The following CDK2AP1 variants were observed in gnomAD, a reference collection of about 807,000 sequenced individuals.
CDK2AP1 encodes cyclin dependent kinase 2 associated protein 1.
Under a neutral mutation model 14.1 loss-of-function variants are expected in CDK2AP1, and 10 were observed. That is an observed-to-expected ratio of 0.71 (90% CI 0.44 to 1.20). The LOEUF (loss-of-function observed/expected upper bound fraction) is 1.20. CDK2AP1 is among the 50% of genes most tolerant of loss of function. CDK2AP1 has a pLI of 0.00. For missense variants in CDK2AP1, 102 were observed against 149.9 expected, an observed-to-expected ratio of 0.68 and a Z score of 1.67; for synonymous variants, 59 against 59.8, an observed-to-expected ratio of 0.99 and a Z score of 0.06.
At chr12:123,271,071 C>T (rs2048349636) in intron 1 of CDK2AP1, 10 of 931,744 alleles carry the variant, frequency 1.1e-5, no homozygotes, top group Non-Finnish European at 1.3e-5. Flanking sequence ...CGCAGCCCTC[C>T]ATCCGCGCCC....
At chr12:123,262,724 C>T (rs1033264356) in intron 3 of CDK2AP1, among the ~76,000 whole-genome samples, 2 of 152,286 alleles carry the variant, frequency 1.3e-5, no homozygotes, top group Non-Finnish European at 1.5e-5. Context: ...TATAGGCACG[C>T]ACCACCATGC....
At chr12:123,262,723 G>A (rs1037774960) in intron 3 of CDK2AP1, among the ~76,000 whole-genome samples, 3 of 152,094 alleles carry the variant, frequency 2.0e-5, no homozygotes, top group Non-Finnish European at 1.5e-5. Flanking sequence ...CTATAGGCAC[G>A]CACCACCATG....
At chr12:123,267,454 G>A in intron 1 of CDK2AP1, 172 bp from the exon 2 acceptor site, 1 of 575,224 alleles carries the variant, frequency 1.7e-6, no homozygotes, top group African/African-American at 1.9e-5. Context: ...ATAATGAAAT[G>A]TAGCTACAAG....
chr12:123,263,425 T>C (rs925387312), intron 3 of CDK2AP1, among the ~76,000 whole-genome samples: 5 of 152,156 alleles, frequency 3.3e-5, no homozygotes, highest in African/African-American at 1.2e-4. Flanking sequence ...ACTGGCAGTT[T>C]GTACGCATTT....
Position 123,271,746 on chromosome 12 carries a change from T to G in CDK2AP1, c.-128A>C, listed in dbSNP as rs1448536859. On this transcript the variant is annotated 5_prime_UTR_variant, in exon 1 of 4. Transcript: ENST00000261692. ...GAGCGCCCGCCGAGCGCCCGCGCAC[T>G]TTTTGTTGTCGGCGGCTCGGGCCGC... 5.2e-6 allele frequency: 1 copy of G among 192,326 alleles called. No homozygotes were observed. Among genetic ancestry groups the G allele is most frequent in the Non-Finnish European group, 9.2e-6 (1 of 108,300 alleles). 11.9% of individuals were successfully genotyped at this position (192,326 alleles called of 1,614,324 possible).
chr12:123,268,116 G>A (rs1010477419), intron 1 of CDK2AP1: 14 of 888,116 alleles, frequency 1.6e-5, no homozygotes, highest in South Asian at 1.6e-4. Flanking sequence ...GGCCATTAGC[G>A]GGTAAAGGAT....
rs1249771125 is a variant in CDK2AP1 at position 123,265,574 on chromosome 12, G to A, written c.154-252C>T. 2.0e-5 allele frequency among the ~76,000 whole-genome samples: 3 copies of A among 151,716 alleles called. No homozygotes were observed. The highest frequency in any genetic ancestry group is 4.8e-5 in the African/African-American group (2 of 41,282). ...CAGGCAGGTGGGTGGAGAGGGCCCC[G>A]GGCCGGTCAGGATAGGGAACGCAGC... is the stretch of plus-strand genomic sequence containing the variant. On this transcript the variant is annotated intron_variant, in intron 2 of 3. Transcript: ENST00000261692. The surrounding 1 kb of genome is among the most constrained non-coding windows in gnomAD (Gnocchi z 5.3).
intron 2 of CDK2AP1, among the ~76,000 whole-genome samples, chr12:123,266,951 C>T (rs2048303446): frequency 6.6e-6 from 1 of 152,324 alleles, no homozygotes; most frequent in Admixed American, 6.5e-5. Context: ...TGGGCTGCTG[C>T]CCCTTCCTGG....
At chr12:123,270,847 A>T in intron 1 of CDK2AP1, 1 of 984,216 alleles carries the variant, frequency 1.0e-6, no homozygotes, top group Non-Finnish European at 1.2e-6. Context: ...GGGCCCCAGC[A>T]GCCCCAGAGC....
At chr12:123,264,651 C>CCTTA (rs964742312) in intron 3 of CDK2AP1, among the ~76,000 whole-genome samples, 11 of 152,186 alleles carry the variant, frequency 7.2e-5, no homozygotes, top group African/African-American at 2.2e-4. Flanking sequence ...GACAGTCACA[C>CCTTA]CTTAACACGA....
At chr12:123,264,001 G>A (rs749381417) in intron 3 of CDK2AP1, among the ~76,000 whole-genome samples, 9 of 152,130 alleles carry the variant, frequency 5.9e-5, no homozygotes, top group African/African-American at 1.2e-4. Flanking sequence ...CCAACTACTC[G>A]GGAGGCTTGA....
rs191839925 is a variant in CDK2AP1 at position 123,266,781 on chromosome 12, C to G, written c.153+404G>C. ...TGGGCTCTCAAGACAGGGCCACCTC[C>G]TCTCTGCTGGGCCCGCGCCCGTGGA... On this transcript the variant is annotated intron_variant, in intron 2 of 3. Transcript: ENST00000261692. Among the ~76,000 whole-genome samples, 43 of 152,382 alleles carry G rather than the reference C, an allele frequency of 2.8e-4. 2 individuals carry two copies. In the East Asian group the frequency reaches 8.1e-3, roughly 29 times the overall value.
intron 3 of CDK2AP1, among the ~76,000 whole-genome samples, chr12:123,264,462 CAAAAAAA>C (rs1167157405): frequency 0.012 from 835 of 69,786 alleles, 20 homozygotes; most frequent in Non-Finnish European, 0.016. Context: ...CTCCGTCTCC[CAAAAAAA>C]AAAAAAAAAA....
At chr12:123,269,557 C>T (rs1288750558) in intron 1 of CDK2AP1, among the ~76,000 whole-genome samples, 1 of 152,220 alleles carries the variant, frequency 6.6e-6, no homozygotes, top group African/African-American at 2.4e-5. Context: ...TGTGCAGGAG[C>T]GAGGGGTTGG....
Position 123,267,426 on chromosome 12 carries a change from G to C in CDK2AP1, c.56-144C>G, listed in dbSNP as rs1395275191. On this transcript the variant is annotated intron_variant, in intron 1 of 3. Transcript: ENST00000261692. ...GAACCCTGCTCTCCACCTCCGGTTT[G>C]ACCAGCATATAAGATGGATAATGAA... 6.3e-6 allele frequency: 4 copies of C among 632,816 alleles called. No individual in the cohort carries two copies. In the African/African-American group the frequency reaches 7.2e-5, roughly 11 times the overall value. 39.2% of individuals were successfully genotyped at this position (632,816 alleles called of 1,614,324 possible).
rs1341684981 is a variant in CDK2AP1 at position 123,264,118 on chromosome 12, AAAAAG to A, written c.280+1073_280+1077del. On this transcript the variant is annotated intron_variant, in intron 3 of 3. Coordinates refer to ENST00000261692, the MANE Select transcript of CDK2AP1 (RefSeq NM_004642.4). Reference sequence around the variant, plus strand: ...AGCTAGACTCCATCTCAAAAAAAAAAAAAAGAATGTTCCTCTCCCAGGTTGCTTCT... The same window carrying A: ...AGCTAGACTCCATCTCAAAAAAAAAAAATGTTCCTCTCCCAGGTTGCTTCT... 9.1e-4 allele frequency among the ~76,000 whole-genome samples: 131 copies of A among 143,900 alleles called. 2 individuals are homozygous for A. Among genetic ancestry groups the A allele is most frequent in the Admixed American group, 2.8e-3 (41 of 14,448 alleles). 94.4% of individuals were successfully genotyped at this position (143,900 alleles called of 152,430 possible).
At chr12:123,266,700 G>A (rs754884081) in intron 2 of CDK2AP1, among the ~76,000 whole-genome samples, 1 of 152,230 alleles carries the variant, frequency 6.6e-6, no homozygotes, top group African/African-American at 2.4e-5. Context: ...GGTGGAACCA[G>A]GGAGCGGCCT....
chr12:123,266,093 C>T (rs928627233), intron 2 of CDK2AP1, among the ~76,000 whole-genome samples: 1 of 152,242 alleles, frequency 6.6e-6, no homozygotes, highest in African/African-American at 2.4e-5. Flanking sequence ...GCCCAGGCTA[C>T]CTCCCCTTGG....
In CDK2AP1 at chr12:123,265,579, G is replaced by A. The variant is rs1385945513; in HGVS notation, c.154-257C>T. 4.6e-5 allele frequency among the ~76,000 whole-genome samples: 7 copies of A among 151,942 alleles called. No individual in the cohort carries two copies. The East Asian group carries it at 7.8e-4, about 17-fold the overall frequency. Reference sequence around the variant, plus strand: ...AGGTGGGTGGAGAGGGCCCCGGGCCGGTCAGGATAGGGAACGCAGCCCAGC... The same window carrying A: ...AGGTGGGTGGAGAGGGCCCCGGGCCAGTCAGGATAGGGAACGCAGCCCAGC... On this transcript the variant is annotated intron_variant, in intron 2 of 3. Transcript: ENST00000261692. The surrounding 1 kb of genome is among the most constrained non-coding windows in gnomAD (Gnocchi z 5.3).
Sources: allele counts gnomAD v4.1 joint callset (sites outside exome capture counted in the v4.1 genomes callset), GRCh38; gene constraint gnomAD v4.1.1; non-coding constraint Gnocchi (gnomAD v3.1); transcripts MANE v1.5; gene names NCBI Gene and HGNC (gene_info 2026-07-23, HGNC 2026-07-21).